RABGAP1: variants seen among roughly 807,000 people sequenced by gnomAD.
RABGAP1 encodes the protein rab GTPase-activating protein 1.
A neutral mutation model predicts 137.6 loss-of-function variants in RABGAP1; 23 were observed. The ratio of observed to expected loss-of-function variants is 0.17; its 90% CI spans 0.12 to 0.24. The LOEUF (loss-of-function observed/expected upper bound fraction) is 0.24, where lower values mean the gene tolerates loss of function less well. Among genes scored for constraint, RABGAP1 ranks in the 10% least tolerant of loss-of-function variants. The pLI is 1.00. For synonymous variants in RABGAP1, 451 were observed against 450.7 expected (o/e 1.00, Z -0.01); for missense variants, 906 against 1,275.8 (o/e 0.71, Z 4.42).
rs1399531857 is a variant in RABGAP1 at position 123,074,302 on chromosome 9, G to C, written c.2127G>C (p.Leu709=). ...ERLMQEYIPD[L]YNHFLDISLE... is the part of the protein sequence containing the mutation. The stretch of plus-strand genomic sequence containing the variant: ...TATTTCAGGAATACATTCCTGACCT[G>C]TACAACCACTTCCTGGATATAAGCC... Residue 709 remains leucine (L), a synonymous_variant, in exon 17 of 26, where the codon CTG becomes CTC. Coordinates refer to ENST00000373647, the MANE Select transcript of RABGAP1 (RefSeq NM_012197.4). The C allele has an allele frequency of 6.2e-7, 1 of 1,613,626 alleles. No individual in the cohort carries two copies. The highest frequency in any genetic ancestry group is 8.5e-7 in the Non-Finnish European group (1 of 1,179,794).
chr9:123,033,228 G>A (rs1287990952), intron 13 of RABGAP1, among the ~76,000 whole-genome samples: 1 of 152,164 alleles, frequency 6.6e-6, no homozygotes, highest in Admixed American at 6.5e-5. Flanking sequence ...CTTAAAGGAA[G>A]TTAACATACT....
At chr9:123,033,278 C>T (rs999351058) in intron 13 of RABGAP1, among the ~76,000 whole-genome samples, 4 of 152,060 alleles carry the variant, frequency 2.6e-5, no homozygotes, top group African/African-American at 9.7e-5. Context: ...TGGGAAAATG[C>T]CGTGAGAAAA....
rs1355164752 is a variant in RABGAP1 at position 122,986,397 on chromosome 9, A to T, written c.568A>T (p.Asn190Tyr). 6.2e-6 allele frequency: 10 copies of T among 1,614,118 alleles called. No homozygotes were observed. In the South Asian group the frequency reaches 9.9e-5, roughly 16 times the overall value. ...ISLDVTLSVP[N>Y]VSEGIVRLLD... ...ACTAGATGTTACCCTTTCAGTGCCG[A>T]ATGTGTCTGAAGGAATTGTGAGGTG... Residue 190 changes from asparagine (N) to tyrosine (Y), a missense_variant, in exon 4 of 26, where the codon AAT (asparagine) becomes TAT (tyrosine). Asn to Tyr is a moderately radical substitution (Grantham distance 143). This residue lies in a region of RABGAP1 where 331 missense variants were observed against 358.3 expected (regional missense o/e 0.92). Transcript: ENST00000373647.
chr9:122,990,495 C>T lies in RABGAP1; in HGVS notation c.923+282C>T, dbSNP rs182878110. ...ACAAAAATATGGCCAAACCGCCAGG[C>T]GCTGTGGCTCACACCTGTAATCCCA... is the stretch of plus-strand genomic sequence containing the variant. On this transcript the variant is annotated intron_variant, in intron 6 of 25. Coordinates refer to ENST00000373647, the MANE Select transcript of RABGAP1 (RefSeq NM_012197.4). 0.014 allele frequency: 2,950 copies of T among 203,780 alleles called. 43 individuals carry two copies. Among genetic ancestry groups the T allele is most frequent in the Non-Finnish European group, 0.02 (2,004 of 100,810 alleles). 12.6% of individuals were successfully genotyped at this position (203,780 alleles called of 1,614,324 possible). A position where few individuals can be genotyped will look rare whatever the true frequency, so the allele number is the denominator to read the frequency against.
chr9:123,029,818 C>G, intron 13 of RABGAP1: 1 of 429,092 alleles, frequency 2.3e-6, no homozygotes, highest in Non-Finnish European at 4.4e-6. Context: ...AAAAGTGAAG[C>G]TCATTTTTAC....
intron 1 of RABGAP1, among the ~76,000 whole-genome samples, chr9:122,948,675 G>A (rs1379818668): frequency 2.0e-5 from 3 of 152,146 alleles, no homozygotes; most frequent in Non-Finnish European, 4.4e-5. Flanking sequence ...TGGGGATTGG[G>A]AGGGAAGTGG....
chr9:123,025,543 C>CTTTTCTT lies in RABGAP1; in HGVS notation c.1794+5088_1794+5089insCTTTTTT, dbSNP rs1554719836. Among the ~76,000 whole-genome samples the CTTTTCTT allele has an allele frequency of 1.2e-3, 89 of 75,018 alleles. 1 individual carries two copies. The highest frequency in any genetic ancestry group is 3.7e-3 in the African/African-American group (84 of 22,440). The allele number at this position is 75,018 out of a possible 152,430, so 49.2% of individuals were successfully genotyped here. On this transcript the variant is annotated intron_variant, in intron 13 of 25. Transcript: ENST00000373647. ...TTTTATTTGTTCAGATCTTTCTTTT[C>CTTTTCTT]TTTTTTTTTTTTTTTTTGCCTTCAA... is the stretch of plus-strand genomic sequence containing the variant.
intron 13 of RABGAP1, among the ~76,000 whole-genome samples, chr9:123,048,799 T>G (rs1279545876): frequency 6.6e-6 from 1 of 152,268 alleles, no homozygotes; most frequent in Admixed American, 6.5e-5. Flanking sequence ...ATTTCCTGCT[T>G]CTTGGGCCTC....
chr9:123,060,851 T>A (rs1420383682), intron 13 of RABGAP1, among the ~76,000 whole-genome samples: 2 of 152,238 alleles, frequency 1.3e-5, no homozygotes, highest in Non-Finnish European at 2.9e-5. Flanking sequence ...ATTTTTAACA[T>A]TTGTTATTAT....
At chr9:123,099,434 T>C in intron 23 of RABGAP1, 44 bp from the exon 24 acceptor site, 1 of 1,528,446 alleles carries the variant, frequency 6.5e-7, no homozygotes, top group South Asian at 1.1e-5. Context: ...ATGCAGATGA[T>C]TACAATTGCT....
chr9:122,970,581 A>AG (rs944329803), intron 2 of RABGAP1, among the ~76,000 whole-genome samples: 1 of 152,190 alleles, frequency 6.6e-6, no homozygotes, highest in Admixed American at 6.5e-5. Flanking sequence ...CCCAATAGAT[A>AG]GTTTTTTCAA....
chr9:123,078,759 C>A (rs145567135), intron 19 of RABGAP1, among the ~76,000 whole-genome samples: 290 of 152,304 alleles, frequency 1.9e-3, no homozygotes, highest in African/African-American at 6.2e-3. Context: ...CTTGACTCCT[C>A]TCTTTCTCAC....
intron 13 of RABGAP1, chr9:123,061,812 G>C (rs952692382): frequency 6.6e-6 from 1 of 152,124 alleles, no homozygotes; most frequent in African/African-American, 2.4e-5. Context: ...CACTGTTGCC[G>C]TAAGTACATT....
At chr9:123,008,587 T>C (rs1277432032) in intron 10 of RABGAP1, among the ~76,000 whole-genome samples, 2 of 151,800 alleles carry the variant, frequency 1.3e-5, no homozygotes, top group African/African-American at 4.8e-5. Flanking sequence ...CTTTGAACTG[T>C]TTAGGATACC....
intron 4 of RABGAP1, 75 bp from the exon 5 acceptor site, chr9:122,989,222 C>T (rs538655791): frequency 5.8e-4 from 771 of 1,325,644 alleles, no homozygotes; most frequent in Non-Finnish European, 7.7e-4. Flanking sequence ...AAGAATGAGT[C>T]TCACATCTTA....
chr9:123,056,779 G>A (rs1285692905), intron 13 of RABGAP1, among the ~76,000 whole-genome samples: 2 of 152,176 alleles, frequency 1.3e-5, no homozygotes, highest in African/African-American at 4.8e-5. Context: ...GCGTTTCAGA[G>A]AGCACAGGGT....
chr9:122,985,302 G>C (rs1228615671), intron 3 of RABGAP1, among the ~76,000 whole-genome samples: 2 of 152,278 alleles, frequency 1.3e-5, no homozygotes, highest in African/African-American at 2.4e-5. Flanking sequence ...AGAAATAATT[G>C]TAACAGTGCA....
At chr9:122,999,227 A>G (rs773604967) in intron 10 of RABGAP1, among the ~76,000 whole-genome samples, 1 of 152,030 alleles carries the variant, frequency 6.6e-6, no homozygotes, top group East Asian at 1.9e-4. Flanking sequence ...GTCACCACCC[A>G]GGCTGGAGTG....
intron 19 of RABGAP1, among the ~76,000 whole-genome samples, chr9:123,077,743 G>A (rs2034568421): frequency 6.6e-6 from 1 of 151,672 alleles, no homozygotes; most frequent in Non-Finnish European, 1.5e-5. Flanking sequence ...TTGTTACCCA[G>A]GCTGGAGTGC....
Sources: gnomAD v4.1 joint callset for allele counts (sites outside exome capture counted in the v4.1 genomes callset) on GRCh38, gnomAD v4.1.1 for gene constraint, gnomAD v4.1.1 regional missense constraint, MANE v1.5 for transcripts, NCBI Gene and HGNC (gene_info 2026-07-23, HGNC 2026-07-21) for gene names.